The following GLI3 variants were observed in gnomAD, a reference collection of about 807,000 sequenced individuals.
The protein encoded by GLI3 is GLI family zinc finger 3.
Under a neutral mutation model 100.8 loss-of-function variants are expected in GLI3, and 20 were observed. The ratio of observed to expected loss-of-function variants is 0.20; its 90% confidence interval spans 0.14 to 0.29. GLI3 has a LOEUF of 0.29. GLI3 is among the 10% of genes least tolerant of loss of function. The pLI is 1.00. For missense variants in GLI3, 2,040 were observed against 2,128.5 expected (o/e 0.96, Z 0.82); for synonymous variants, 938 against 860.5 (o/e 1.09, Z -1.58).
At position 41,961,320 on chromosome 7, in the gene GLI3, A is replaced by G. The variant is rs1787006071; in HGVS notation, c.*3010T>C. On this transcript the variant is annotated 3_prime_UTR_variant, in exon 15 of 15. Transcript: ENST00000395925. ...GAGAACATCCTCCTATCAGTTCAAA[A>G]CAACACATGAAACCAGGATACAAGA... The G allele has an allele frequency of 6.6e-6, 1 of 152,538 alleles. No individual in the cohort carries two copies. The highest frequency in any genetic ancestry group is 1.5e-5 in the Non-Finnish European group (1 of 68,042). The allele number at this position is 152,538 out of a possible 1,614,324, so 9.4% of individuals were successfully genotyped here.
At chr7:42,101,847 C>A (rs1229279224) in intron 3 of GLI3, among the ~76,000 whole-genome samples, 1 of 122,958 alleles carries the variant, frequency 8.1e-6, no homozygotes, top group South Asian at 2.5e-4. Flanking sequence ...TCTCCCACCC[C>A]ACAACAGTCC....
At chr7:42,130,424 A>G (rs1010300092) in intron 3 of GLI3, among the ~76,000 whole-genome samples, 1 of 152,264 alleles carries the variant, frequency 6.6e-6, no homozygotes, top group Non-Finnish European at 1.5e-5. Context: ...AGAAGGTTTT[A>G]GAAAGCATTA....
At chr7:42,030,187 GCCT>G (rs796296968) in intron 7 of GLI3, among the ~76,000 whole-genome samples, 3 of 151,768 alleles carry the variant, frequency 2.0e-5, no homozygotes, top group African/African-American at 7.2e-5. Context: ...CATCACTCAG[GCCT>G]CCTCCTCCTC....
intron 4 of GLI3, among the ~76,000 whole-genome samples, chr7:42,055,392 T>C (rs1189599252): frequency 6.6e-6 from 1 of 152,034 alleles, no homozygotes; most frequent in African/African-American, 2.4e-5. Context: ...AAGGTCTGAA[T>C]CAGCTGGCTC....
At chr7:42,160,544 G>T (rs1787108885) in intron 2 of GLI3, among the ~76,000 whole-genome samples, 1 of 152,192 alleles carries the variant, frequency 6.6e-6, no homozygotes, top group African/African-American at 2.4e-5. Flanking sequence ...ATCAGGTGTA[G>T]AGTTTTCTAC....
intron 7 of GLI3, among the ~76,000 whole-genome samples, chr7:42,034,735 C>G (rs1480991272): frequency 3.3e-5 from 5 of 152,160 alleles, no homozygotes; most frequent in Non-Finnish European, 7.3e-5. Context: ...TGGTGCTATT[C>G]TTTCTTAACA....
At chr7:42,061,323 G>C (rs897968068) in intron 4 of GLI3, among the ~76,000 whole-genome samples, 1 of 152,102 alleles carries the variant, frequency 6.6e-6, no homozygotes, top group African/African-American at 2.4e-5. Context: ...CTAGTATAAA[G>C]ACTTTTTCCA....
intron 2 of GLI3, among the ~76,000 whole-genome samples, chr7:42,177,237 C>T (rs1298513530): frequency 6.6e-6 from 1 of 152,106 alleles, no homozygotes; most frequent in Non-Finnish European, 1.5e-5. Context: ...GGGACCCTCA[C>T]ATCAAATATT....
chr7:42,231,588 G>T (rs2128705756), intron 1 of GLI3, among the ~76,000 whole-genome samples: 1 of 152,282 alleles, frequency 6.6e-6, no homozygotes, highest in South Asian at 2.1e-4. Context: ...TCCTGAAGTG[G>T]CATGGCCTGC....
chr7:42,156,363 C>A (rs987188608), intron 2 of GLI3, among the ~76,000 whole-genome samples: 3 of 152,152 alleles, frequency 2.0e-5, no homozygotes, highest in East Asian at 1.9e-4. Flanking sequence ...AAAGGCAGTA[C>A]AATAAATTCC....
At chr7:42,036,052 TTATAA>T (rs1341390386) in intron 7 of GLI3, among the ~76,000 whole-genome samples, 3 of 152,238 alleles carry the variant, frequency 2.0e-5, no homozygotes, top group Admixed American at 1.3e-4. Context: ...TCAAGTACTG[TTATAA>T]TATGTCAATG....
intron 2 of GLI3, among the ~76,000 whole-genome samples, chr7:42,153,934 C>A (rs921652860): frequency 1.3e-5 from 2 of 151,978 alleles, no homozygotes; most frequent in African/African-American, 4.8e-5. Context: ...CCGTCATGTC[C>A]CAGGTGAGTA....
chr7:42,018,109 C>A (rs1379198789), intron 10 of GLI3, among the ~76,000 whole-genome samples: 1 of 152,180 alleles, frequency 6.6e-6, no homozygotes. Context: ...CACACACCCT[C>A]GCAATCAATC....
In GLI3 at chr7:42,155,983, C is replaced by T. The variant is rs571832112; in HGVS notation, c.125-7515G>A. Among the ~76,000 whole-genome samples the T allele has an allele frequency of 7.9e-5, 12 of 152,230 alleles. No homozygotes were observed. In the South Asian group the frequency reaches 8.3e-4, roughly 11 times the overall value. On this transcript the variant is annotated intron_variant, in intron 2 of 14. Coordinates refer to ENST00000395925, the MANE Select transcript of GLI3 (RefSeq NM_000168.6). ...AGGTCTGCAGCCCCATCTCTACCCCCGGGAGGATGCTTCTGAACACTGATG... is the reference window on the plus strand; with the variant it reads ...AGGTCTGCAGCCCCATCTCTACCCCTGGGAGGATGCTTCTGAACACTGATG...
intron 3 of GLI3, among the ~76,000 whole-genome samples, chr7:42,125,171 C>T (rs1006453858): frequency 2.6e-5 from 4 of 152,144 alleles, no homozygotes; most frequent in South Asian, 4.1e-4. Context: ...ACAGTCCTCA[C>T]GCTAACAAGT....
rs185525760 is a variant in GLI3, at chr7:42,255,510, C to T, written c.-43+8484G>A. 9.1e-3 allele frequency among the ~76,000 whole-genome samples: 1,389 copies of T among 152,286 alleles called. 15 individuals carry two copies. The highest frequency in any genetic ancestry group is 0.014 in the Non-Finnish European group (932 of 68,018). ...CTCCTGCCTTCAGTCTTAAGGATTG[C>T]TAATATGCTTTCTATCCAAGTTTGC... On this transcript the variant is annotated intron_variant, in intron 1 of 2. Coordinates refer to the GLI3 transcript ENST00000678978.
intron 1 of GLI3, among the ~76,000 whole-genome samples, chr7:42,231,708 C>A (rs1158590558): frequency 6.6e-6 from 1 of 152,184 alleles, no homozygotes; most frequent in African/African-American, 2.4e-5. Context: ...TTTCTTCAGA[C>A]TGAATCATTC....
At chr7:42,258,594 G>A (rs1473885846) in intron 1 of GLI3, among the ~76,000 whole-genome samples, 3 of 152,194 alleles carry the variant, frequency 2.0e-5, no homozygotes, top group Non-Finnish European at 4.4e-5. Flanking sequence ...CATAGCCTAA[G>A]TGGCTTATAC....
intron 2 of GLI3, among the ~76,000 whole-genome samples, chr7:42,170,233 C>G (rs1787337648): frequency 7.8e-6 from 1 of 128,414 alleles, no homozygotes; most frequent in African/African-American, 3.0e-5. Flanking sequence ...GCCTGGGCGA[C>G]AAAGCAAGAC....
Sources: gnomAD v4.1 joint callset for allele counts (sites outside exome capture counted in the v4.1 genomes callset) on GRCh38, gnomAD v4.1.1 for gene constraint, MANE v1.5 for transcripts, NCBI Gene and HGNC (gene_info 2026-07-23, HGNC 2026-07-21) for gene names.